Variants in HDAC4 observed in about 807,000 individuals in gnomAD.
HDAC4 encodes the protein histone deacetylase A.
Under a neutral mutation model 135.1 loss-of-function variants are expected in HDAC4, and 16 were observed. The observed-to-expected ratio is 0.12, with a 90% CI of 0.08 to 0.18. HDAC4 has a LOEUF of 0.18. Ranked by LOEUF, HDAC4 falls within the 10% of genes least tolerant of loss-of-function variation. The pLI, the probability that HDAC4 is intolerant of heterozygous loss-of-function variation, is 1.00. For missense variants in HDAC4, 1,143 were observed against 1,511.8 expected (o/e 0.76, Z 4.05); for synonymous variants, 685 against 653.4 (o/e 1.05, Z -0.74).
At chr2:239,294,889 TCTGA>T (rs1224695254) in intron 2 of HDAC4, among the ~76,000 whole-genome samples, 12 of 152,128 alleles carry the variant, frequency 7.9e-5, no homozygotes, top group Admixed American at 3.3e-4. Flanking sequence ...AGGCCTCTGC[TCTGA>T]CTAAGGGGGT....
chr2:239,064,532 C>G (rs2033221381), intron 24 of HDAC4, among the ~76,000 whole-genome samples: 1 of 152,184 alleles, frequency 6.6e-6, no homozygotes, highest in Non-Finnish European at 1.5e-5. Context: ...CTGTGGCGGC[C>G]TGGGGCCCTA....
At chr2:239,385,046 TG>T (rs1423067839) in intron 1 of HDAC4, among the ~76,000 whole-genome samples, 1 of 152,128 alleles carries the variant, frequency 6.6e-6, no homozygotes, top group East Asian at 1.9e-4. Context: ...AAGGCTTCCA[TG>T]GAAGAGCCCT....
At chr2:239,345,589 C>A (rs1230602610) in intron 2 of HDAC4, among the ~76,000 whole-genome samples, 1 of 149,632 alleles carries the variant, frequency 6.7e-6, no homozygotes, top group Non-Finnish European at 1.5e-5. Flanking sequence ...ACACGGACAC[C>A]CTAACACACA....
At chr2:239,266,176 C>A (rs2049715932) in intron 2 of HDAC4, among the ~76,000 whole-genome samples, 1 of 152,216 alleles carries the variant, frequency 6.6e-6, no homozygotes, top group South Asian at 2.1e-4. Context: ...TGCCATAGCC[C>A]CTCGCCGGCA....
chr2:239,090,200 CCGTGGG>C, intron 17 of HDAC4, 84 bp from the exon 18 acceptor site: 1 of 962,380 alleles, frequency 1.0e-6, no homozygotes, highest in Non-Finnish European at 1.7e-6. Flanking sequence ...AGCTCAGGTT[CCGTGGG>C]CTCTGCTTCT....
intron 7 of HDAC4, chr2:239,155,096 A>T (rs549426803): frequency 6.6e-6 from 1 of 152,642 alleles, no homozygotes; most frequent in East Asian, 1.9e-4. Context: ...GACCCACTCC[A>T]CCTGGGACAT....
intron 3 of HDAC4, among the ~76,000 whole-genome samples, chr2:239,229,599 G>A (rs949214122): frequency 6.6e-6 from 1 of 152,158 alleles, no homozygotes; most frequent in African/African-American, 2.4e-5. Flanking sequence ...GGCTTTATGC[G>A]TTTTAGGGAG....
chr2:239,163,254 G>A (rs754036470), intron 6 of HDAC4, among the ~76,000 whole-genome samples: 33 of 152,208 alleles, frequency 2.2e-4, no homozygotes, highest in East Asian at 1.9e-4. Flanking sequence ...TTATTGAAAC[G>A]TCAGGTGGGA....
At chr2:239,182,832 C>G (rs1234792002) in intron 4 of HDAC4, among the ~76,000 whole-genome samples, 1 of 152,206 alleles carries the variant, frequency 6.6e-6, no homozygotes, top group Non-Finnish European at 1.5e-5. Context: ...CCATTTCACT[C>G]TTCTTCACTC....
chr2:239,085,922 C>G (rs555951570), intron 19 of HDAC4: 2 of 148,674 alleles, frequency 1.3e-5, no homozygotes. Flanking sequence ...ACGAAGGAGA[C>G]TCTGCTCTAA....
intron 2 of HDAC4, among the ~76,000 whole-genome samples, chr2:239,340,150 C>T (rs1692212308): frequency 6.6e-6 from 1 of 152,192 alleles, no homozygotes; most frequent in Non-Finnish European, 1.5e-5. Flanking sequence ...CTCCCTCACC[C>T]CAGGACACCC....
At chr2:239,110,906 G>A (rs1559447335) in intron 14 of HDAC4, among the ~76,000 whole-genome samples, 2 of 152,206 alleles carry the variant, frequency 1.3e-5, no homozygotes, top group South Asian at 4.1e-4. Context: ...CCAGGGCCCG[G>A]CCCCTCCTGC....
At chr2:239,203,901 T>A (rs745899211) in intron 3 of HDAC4, among the ~76,000 whole-genome samples, 1 of 152,068 alleles carries the variant, frequency 6.6e-6, no homozygotes, top group Non-Finnish European at 1.5e-5. Context: ...ACCAAGAAAA[T>A]AGGAGCTGAT....
intron 2 of HDAC4, among the ~76,000 whole-genome samples, chr2:239,281,568 T>TACAATGTACACACCACTCTCCAC (rs1429739606): frequency 2.2e-5 from 3 of 139,260 alleles, no homozygotes; most frequent in African/African-American, 5.5e-5. Flanking sequence ...CACACCACTC[T>TACAATGTACACACCACTCTCCAC]ACAATGTACA....
At chr2:239,345,456 G>A (rs950123329) in intron 2 of HDAC4, among the ~76,000 whole-genome samples, 11 of 151,854 alleles carry the variant, frequency 7.2e-5, no homozygotes, top group South Asian at 2.1e-4. Flanking sequence ...CCAGCTACTC[G>A]GGAGCCTGAG....
chr2:239,110,955 T>C (rs1311864804), intron 14 of HDAC4, among the ~76,000 whole-genome samples: 1 of 152,098 alleles, frequency 6.6e-6, no homozygotes, highest in Non-Finnish European at 1.5e-5. Flanking sequence ...GCCTCCTTCT[T>C]GTGAGGGAAA....
chr2:239,297,696 G>T (rs1057328561), intron 2 of HDAC4, among the ~76,000 whole-genome samples: 1 of 152,200 alleles, frequency 6.6e-6, no homozygotes, highest in Non-Finnish European at 1.5e-5. Context: ...ATTGCACCAC[G>T]CTGTCACCAT....
At chr2:239,389,249 G>A (rs188482777) in intron 1 of HDAC4, among the ~76,000 whole-genome samples, 7 of 152,266 alleles carry the variant, frequency 4.6e-5, no homozygotes, top group African/African-American at 9.6e-5. Flanking sequence ...AGCCAGCAGC[G>A]GCAACCCATT....
chr2:239,158,721 C>T (rs370097695), intron 6 of HDAC4, among the ~76,000 whole-genome samples: 2 of 152,176 alleles, frequency 1.3e-5, no homozygotes, highest in East Asian at 1.9e-4. Context: ...CCCGCCCCAC[C>T]GCGCACCCGC....
Sources: gnomAD v4.1 joint callset for allele counts (sites outside exome capture counted in the v4.1 genomes callset) on GRCh38, gnomAD v4.1.1 for gene constraint, MANE v1.5 for transcripts, NCBI Gene and HGNC (gene_info 2026-07-23, HGNC 2026-07-21) for gene names.